MAOB: variants seen among roughly 807,000 people sequenced by gnomAD.
MAOB encodes amine oxidase [flavin-containing] B.
In MAOB, 15 loss-of-function variants were observed where a neutral mutation model predicts 41.9. That is an observed-to-expected ratio of 0.36 (90% CI 0.24 to 0.55). The LOEUF (loss-of-function observed/expected upper bound fraction) is 0.55, where lower values mean the gene tolerates loss of function less well. Ranked by LOEUF, MAOB falls within the 20% of genes least tolerant of loss-of-function variation. The pLI is 0.86. For synonymous variants in MAOB, 167 were observed against 144.2 expected (o/e 1.16, Z -1.13); for missense variants, 345 against 398.7 (o/e 0.87, Z 1.15).
intron 3 of MAOB, among the ~76,000 whole-genome samples, chrX:43,835,315 T>A (rs1254437262): frequency 8.9e-6 from 1 of 112,172 alleles, no homozygotes; most frequent in Non-Finnish European, 1.9e-5. Context: ...ACTATACCAG[T>A]GGAAATTAGC....
chrX:43,780,991 C>T (rs5952297), intron 9 of MAOB, among the ~76,000 whole-genome samples: 3,414 of 111,179 alleles, frequency 0.031, 154 homozygotes, highest in African/African-American at 0.1. Context: ...TCCCTTCCCA[C>T]GTGCTGGTCG....
intron 1 of MAOB, among the ~76,000 whole-genome samples, chrX:43,875,692 C>T (rs2035435250): frequency 9.0e-6 from 1 of 111,553 alleles, no homozygotes; most frequent in Non-Finnish European, 1.9e-5. Flanking sequence ...CAAGGGTATT[C>T]GATCTTGCAT....
At chrX:43,863,395 A>T (rs2035346101) in intron 1 of MAOB, among the ~76,000 whole-genome samples, 1 of 111,649 alleles carries the variant, frequency 9.0e-6, no homozygotes, top group South Asian at 3.7e-4. Context: ...GTGAAAAGAT[A>T]AAAAATCGTG....
chrX:43,822,855 C>T (rs748448082), intron 3 of MAOB, among the ~76,000 whole-genome samples: 1 of 110,973 alleles, frequency 9.0e-6, no homozygotes, highest in African/African-American at 3.3e-5. Context: ...ATCACCACCA[C>T]CACCACCAGT....
chrX:43,824,846 A>G (rs1032992022), intron 3 of MAOB, among the ~76,000 whole-genome samples: 3 of 113,300 alleles, frequency 2.6e-5, no homozygotes, highest in Non-Finnish European at 5.6e-5. Flanking sequence ...ACACATGTGC[A>G]CACACACGCA....
intron 13 of MAOB, 100 bp from the exon 14 acceptor site, chrX:43,768,816 C>A: frequency 2.8e-6 from 2 of 706,490 alleles, no homozygotes; most frequent in Non-Finnish European, 4.4e-6. Flanking sequence ...AGATATCCAT[C>A]AAAAACACCA....
In MAOB at chrX:43,809,998, C is replaced by T. The variant is rs1049954668; in HGVS notation, c.280-6594G>A. ...GTGGCTCACGCCTGTAATCCCAGCA[C>T]TTTGGGAGGCCGAGGCGGGCGGATC... On this transcript the variant is annotated intron_variant, in intron 3 of 14. Coordinates refer to ENST00000378069, the MANE Select transcript of MAOB (RefSeq NM_000898.5). 4.7e-5 allele frequency among the ~76,000 whole-genome samples: 5 copies of T among 106,922 alleles called. 1 individual carries two copies. Among genetic ancestry groups the T allele is most frequent in the African/African-American group, 1.4e-4 (4 of 27,607 alleles). 92.8% of individuals were successfully genotyped at this position (106,922 alleles called of 115,157 possible).
chrX:43,792,240 G>A (rs1038504431), intron 8 of MAOB, among the ~76,000 whole-genome samples: 2 of 111,785 alleles, frequency 1.8e-5, no homozygotes. Context: ...CTTAGAACCT[G>A]GATTAACATT....
chrX:43,784,300 C>T (rs1432801977), intron 8 of MAOB, among the ~76,000 whole-genome samples: 2 of 112,503 alleles, frequency 1.8e-5, no homozygotes, highest in Non-Finnish European at 3.7e-5. Context: ...CTAGATCCAT[C>T]AGATAGGCAG....
intron 3 of MAOB, among the ~76,000 whole-genome samples, chrX:43,835,022 A>G (rs2035056845): frequency 8.9e-6 from 1 of 112,190 alleles, no homozygotes; most frequent in Admixed American, 9.5e-5. Flanking sequence ...TTCAAATTTC[A>G]GACTGATGAA....
chrX:43,826,562 T>A (rs1019031308), intron 3 of MAOB, among the ~76,000 whole-genome samples: 1 of 112,294 alleles, frequency 8.9e-6, no homozygotes, highest in African/African-American at 3.2e-5. Context: ...GACTGAATAA[T>A]TTATAAAGAA....
intron 1 of MAOB, among the ~76,000 whole-genome samples, chrX:43,876,639 C>T (rs1409631910): frequency 8.9e-6 from 1 of 112,080 alleles, no homozygotes; most frequent in Non-Finnish European, 1.9e-5. Flanking sequence ...CCTTCCTCTT[C>T]GTATACAAAT....
At chrX:43,788,454 A>G (rs901321196) in intron 8 of MAOB, among the ~76,000 whole-genome samples, 1 of 112,362 alleles carries the variant, frequency 8.9e-6, no homozygotes, top group Non-Finnish European at 1.9e-5. Context: ...ACCCAAATCA[A>G]TTGACTTGAT....
At chrX:43,853,387 C>T (rs1260586784) in intron 1 of MAOB, among the ~76,000 whole-genome samples, 4 of 109,355 alleles carry the variant, frequency 3.7e-5, no homozygotes, top group Non-Finnish European at 5.7e-5. Flanking sequence ...GGAAAAGGTA[C>T]ACCAAAGATA....
intron 3 of MAOB, among the ~76,000 whole-genome samples, chrX:43,805,100 G>A (rs2034645819): frequency 9.0e-6 from 1 of 111,408 alleles, no homozygotes; most frequent in African/African-American, 3.3e-5. Flanking sequence ...TGTATACCCT[G>A]TGGAATGGCT....
At chrX:43,850,957 A>G (rs1178415024) in intron 1 of MAOB, among the ~76,000 whole-genome samples, 1 of 112,430 alleles carries the variant, frequency 8.9e-6, no homozygotes, top group Non-Finnish European at 1.9e-5. Flanking sequence ...TTATATGCAA[A>G]TGATTGCATT....
intron 1 of MAOB, among the ~76,000 whole-genome samples, chrX:43,857,603 A>G (rs756287285): frequency 9.0e-6 from 1 of 111,535 alleles, no homozygotes; most frequent in East Asian, 2.8e-4. Context: ...TTCCTGAGAA[A>G]GGAAAGACCC....
intron 1 of MAOB, among the ~76,000 whole-genome samples, chrX:43,873,571 T>C (rs1170932586): frequency 1.8e-5 from 2 of 111,899 alleles, no homozygotes; most frequent in Admixed American, 9.5e-5. Flanking sequence ...ATGGAGACTA[T>C]GGTAAGATGA....
chrX:43,791,019 C>T (rs992713982), intron 8 of MAOB, among the ~76,000 whole-genome samples: 2 of 111,624 alleles, frequency 1.8e-5, no homozygotes, highest in African/African-American at 6.5e-5. Context: ...AAATGGGTGG[C>T]CTGGGTCACA....
Sources: gnomAD v4.1 joint callset for allele counts (sites outside exome capture counted in the v4.1 genomes callset) on GRCh38, gnomAD v4.1.1 for gene constraint, MANE v1.5 for transcripts, NCBI Gene and HGNC (gene_info 2026-07-23, HGNC 2026-07-21) for gene names.